Variants in PCDHA6 observed in about 807,000 individuals in gnomAD.
PCDHA6 encodes the protein protocadherin alpha-6.
Under a neutral mutation model 60.3 loss-of-function variants are expected in PCDHA6, and 55 were observed. The observed-to-expected ratio is 0.91, with a 90% CI of 0.73 to 1.14. PCDHA6 has a LOEUF of 1.14. PCDHA6 is among the 50% of genes most tolerant of loss of function. The probability of loss-of-function intolerance (pLI) is 0.00; values close to 1 mark genes in which losing one functional copy is unlikely to be tolerated. For missense variants in PCDHA6, 1,327 were observed against 1,256.5 expected (o/e 1.06, Z -0.85); for synonymous variants, 652 against 557.9 (o/e 1.17, Z -2.38).
chr5:140,835,981 T>C, intron 1 of PCDHA6: 2 of 1,613,332 alleles, frequency 1.2e-6, no homozygotes, highest in Non-Finnish European at 8.5e-7. Context: ...CTGTTGCAGT[T>C]CCAGGTGAGC....
intron 1 of PCDHA6, chr5:140,883,650 C>A: frequency 6.2e-7 from 1 of 1,613,572 alleles, no homozygotes; most frequent in East Asian, 2.2e-5. Flanking sequence ...CCCGAGTACA[C>A]GGTGTTCGTG....
intron 1 of PCDHA6, chr5:140,877,979 A>G (rs2057420487): frequency 4.9e-6 from 6 of 1,227,544 alleles, no homozygotes; most frequent in Non-Finnish European, 5.4e-6. Flanking sequence ...ATTCTTACTC[A>G]TTTTGAACTT....
chr5:140,971,165 G>A (rs1390176241), intron 1 of PCDHA6, among the ~76,000 whole-genome samples: 1 of 152,136 alleles, frequency 6.6e-6, no homozygotes, highest in Non-Finnish European at 1.5e-5. Context: ...GCTCAGCTTT[G>A]CCACCAGCTG....
intron 1 of PCDHA6, among the ~76,000 whole-genome samples, chr5:140,954,419 T>TG (rs1413660060): frequency 1.3e-5 from 2 of 151,998 alleles, no homozygotes; most frequent in African/African-American, 4.8e-5. Context: ...AAGGTGTTCC[T>TG]TTTTCTCCAT....
chr5:140,839,514 C>G (rs544251517), intron 1 of PCDHA6, among the ~76,000 whole-genome samples: 6 of 151,964 alleles, frequency 3.9e-5, no homozygotes, highest in Non-Finnish European at 8.8e-5. Flanking sequence ...CTCAGCCTCT[C>G]AAGTTGCTGG....
intron 1 of PCDHA6, chr5:140,842,451 T>A: frequency 6.2e-7 from 1 of 1,613,846 alleles, no homozygotes; most frequent in South Asian, 1.1e-5. Context: ...GTGAACGACC[T>A]CGATTCAGGT....
intron 1 of PCDHA6, chr5:140,850,644 C>G: frequency 6.3e-7 from 1 of 1,598,664 alleles, no homozygotes; most frequent in Non-Finnish European, 8.6e-7. Flanking sequence ...CACGCTGCTG[C>G]TGTACACTGT....
At chr5:140,888,222 G>T (rs956304839) in intron 1 of PCDHA6, among the ~76,000 whole-genome samples, 1 of 152,168 alleles carries the variant, frequency 6.6e-6, no homozygotes, top group African/African-American at 2.4e-5. Flanking sequence ...GTGTGTGTGT[G>T]CATGTGTGTG....
intron 1 of PCDHA6, among the ~76,000 whole-genome samples, chr5:140,932,839 C>T (rs138437913): frequency 6.6e-6 from 1 of 151,940 alleles, no homozygotes; most frequent in East Asian, 1.9e-4. Flanking sequence ...GACAATGTGT[C>T]TCATAATGTT....
intron 1 of PCDHA6, among the ~76,000 whole-genome samples, chr5:140,941,211 C>CT (rs59928198): frequency 0.24 from 30,589 of 127,372 alleles, 3,669 homozygotes; most frequent in South Asian, 0.38. Context: ...TCCTTTCTTT[C>CT]TTCCTTTCTT....
chr5:140,863,782 C>T (rs570936581), intron 1 of PCDHA6: 24 of 228,258 alleles, frequency 1.1e-4, no homozygotes, highest in Non-Finnish European at 1.2e-4. Flanking sequence ...GCGGATCACT[C>T]GAGGCCAGGA....
At chr5:141,001,726 T>G (rs2098034769) in intron 3 of PCDHA6, among the ~76,000 whole-genome samples, 1 of 152,116 alleles carries the variant, frequency 6.6e-6, no homozygotes, top group Admixed American at 6.6e-5. Flanking sequence ...GCTTGAGATA[T>G]TTTACAACCT....
intron 1 of PCDHA6, among the ~76,000 whole-genome samples, chr5:140,971,989 T>C (rs1183313679): frequency 1.3e-5 from 2 of 152,170 alleles, no homozygotes; most frequent in African/African-American, 4.8e-5. Context: ...AGACAGAAGT[T>C]CCAATGTTTA....
chr5:140,836,438 C>T (rs2150261079), intron 1 of PCDHA6: 1 of 1,613,840 alleles, frequency 6.2e-7, no homozygotes, highest in African/African-American at 1.3e-5. Context: ...CATCGTTGGG[C>T]ATTGCAGGCC....
intron 1 of PCDHA6, among the ~76,000 whole-genome samples, chr5:140,837,511 G>C: frequency 1.0e-5 from 1 of 96,668 alleles, no homozygotes; most frequent in Non-Finnish European, 2.1e-5. Context: ...TTCTGAAGCA[G>C]TTTACTTTTT....
chr5:140,867,485 T>C (rs1329188157), intron 1 of PCDHA6: 1 of 152,044 alleles, frequency 6.6e-6, no homozygotes, highest in Non-Finnish European at 1.5e-5. Context: ...AAAGAGTAAA[T>C]ATGAAAAAAG....
chr5:140,858,642 T>C, intron 1 of PCDHA6: 1 of 930,744 alleles, frequency 1.1e-6, no homozygotes, highest in South Asian at 1.9e-5. Context: ...CTTTGATTGG[T>C]ACTTAAATTT....
intron 1 of PCDHA6, chr5:140,850,311 T>C (rs2150479083): frequency 1.3e-6 from 2 of 1,597,000 alleles, no homozygotes; most frequent in African/African-American, 1.3e-5. Context: ...CTACAACGCG[T>C]GGCTTTCATA....
Position 140,850,727 on chromosome 5 carries a change from G to T in PCDHA6, c.2394+20242G>T, listed in dbSNP as rs2150496154. 1.7e-5 allele frequency: 27 copies of T among 1,597,890 alleles called. 4 individuals carry two copies. The highest frequency in any genetic ancestry group is 2.2e-5 in the South Asian group (2 of 90,514). ...AGCCGACGCTGGTGTGTTCTAGCGC[G>T]GTGGGGAGTTGGTCGTACTCGCAGC... is the stretch of plus-strand genomic sequence containing the variant. On this transcript the variant is annotated intron_variant, in intron 1 of 3. Transcript: ENST00000529310.
Sources: gnomAD v4.1 joint callset for allele counts (sites outside exome capture counted in the v4.1 genomes callset) on GRCh38, gnomAD v4.1.1 for gene constraint, MANE v1.5 for transcripts, NCBI Gene and HGNC (gene_info 2026-07-23, HGNC 2026-07-21) for gene names.